Variants in TSPAN5 observed in about 807,000 individuals in gnomAD.
TSPAN5 encodes tetraspanin 5.
A neutral mutation model predicts 37.1 loss-of-function variants in TSPAN5; 10 were observed. That is an observed-to-expected ratio of 0.27 (90% CI 0.17 to 0.46). The LOEUF (loss-of-function observed/expected upper bound fraction) is 0.46, where lower values mean the gene tolerates loss of function less well. Ranked by LOEUF, TSPAN5 falls within the 20% of genes least tolerant of loss-of-function variation. The pLI, the probability that TSPAN5 is intolerant of heterozygous loss-of-function variation, is 1.00. For synonymous variants in TSPAN5, 110 were observed against 118.9 expected, an observed-to-expected ratio of 0.93 and a Z score of 0.48; for missense variants, 195 against 326.6, an observed-to-expected ratio of 0.60 and a Z score of 3.11.
intron 1 of TSPAN5, among the ~76,000 whole-genome samples, chr4:98,615,732 T>C (rs1756319062): frequency 6.6e-6 from 1 of 152,034 alleles, no homozygotes; most frequent in South Asian, 2.1e-4. Context: ...GAGGCAGAAT[T>C]ACTTTTTGTA....
intron 1 of TSPAN5, among the ~76,000 whole-genome samples, chr4:98,646,576 G>T (rs576468066): frequency 3.4e-4 from 52 of 152,206 alleles, no homozygotes; most frequent in African/African-American, 1.2e-3. Flanking sequence ...ATGTAACTGG[G>T]TAAAGAAAAA....
At chr4:98,621,096 A>G (rs973525993) in intron 1 of TSPAN5, among the ~76,000 whole-genome samples, 3 of 152,186 alleles carry the variant, frequency 2.0e-5, no homozygotes, top group African/African-American at 7.2e-5. Flanking sequence ...ACAGACACAC[A>G]CACAAGGAGA....
At chr4:98,575,318 A>G (rs1028440363) in intron 1 of TSPAN5, among the ~76,000 whole-genome samples, 1 of 152,088 alleles carries the variant, frequency 6.6e-6, no homozygotes, top group Admixed American at 6.5e-5. Context: ...AATTTTTCAC[A>G]AAAGTATTTG....
chr4:98,530,053 C>G (rs182751096), intron 1 of TSPAN5, among the ~76,000 whole-genome samples: 25 of 152,298 alleles, frequency 1.6e-4, no homozygotes, highest in African/African-American at 5.8e-4. Context: ...GGTGTTGTAT[C>G]TTGGACATGG....
chr4:98,481,077 CG>C (rs1242115696), intron 4 of TSPAN5, among the ~76,000 whole-genome samples: 6 of 151,928 alleles, frequency 3.9e-5, no homozygotes, highest in African/African-American at 1.5e-4. Flanking sequence ...CCACAGACAC[CG>C]CTGTCCAAGT....
chr4:98,645,802 G>C (rs369019483), intron 1 of TSPAN5, among the ~76,000 whole-genome samples: 1 of 152,186 alleles, frequency 6.6e-6, no homozygotes, highest in East Asian at 1.9e-4. Context: ...AGCAGTTTTA[G>C]GGGTGTTTCT....
chr4:98,482,695 G>T (rs1463450077), intron 3 of TSPAN5: 3 of 152,388 alleles, frequency 2.0e-5, no homozygotes, highest in Non-Finnish European at 4.4e-5. Flanking sequence ...TAAAATAACA[G>T]ATGTGTTCAT....
Position 98,648,183 on chromosome 4 carries a change from C to T in TSPAN5, c.81+9963G>A, listed in dbSNP as rs75939823. Among the ~76,000 whole-genome samples, 1,131 of 152,162 alleles carry T rather than the reference C, an allele frequency of 7.4e-3. 18 individuals carry two copies. The highest frequency in any genetic ancestry group is 0.06 in the East Asian group (311 of 5,174). On this transcript the variant is annotated intron_variant, in intron 1 of 7. Coordinates refer to ENST00000305798, the MANE Select transcript of TSPAN5 (RefSeq NM_005723.4). ...GTTTGGATATGGGAAAAGAAATGTC[C>T]CCTCCACAGCATTACAGCAGAGGGA...
At chr4:98,553,203 TGTCTAAAA>T (rs1190467086) in intron 1 of TSPAN5, among the ~76,000 whole-genome samples, 1 of 152,212 alleles carries the variant, frequency 6.6e-6, no homozygotes, top group Non-Finnish European at 1.5e-5. Context: ...CCTAATTTGC[TGTCTAAAA>T]GTGTTGGAGT....
chr4:98,486,598 T>G, intron 3 of TSPAN5, 140 bp downstream of exon 3: 1 of 926,982 alleles, frequency 1.1e-6, no homozygotes, highest in Non-Finnish European at 1.7e-6. Flanking sequence ...GAGAGCTCTC[T>G]CAAAAGAAAA....
chr4:98,613,961 G>A (rs1235831607), intron 1 of TSPAN5, among the ~76,000 whole-genome samples: 1 of 151,998 alleles, frequency 6.6e-6, no homozygotes, highest in African/African-American at 2.4e-5. Flanking sequence ...TATCTAGCCG[G>A]CTAAATGGTC....
At chr4:98,491,565 G>T (rs912514519) in intron 2 of TSPAN5, among the ~76,000 whole-genome samples, 2 of 152,156 alleles carry the variant, frequency 1.3e-5, no homozygotes, top group African/African-American at 4.8e-5. Flanking sequence ...GTACCTGCCT[G>T]TAATCCCAGC....
At chr4:98,506,587 G>C (rs1753482343) in intron 2 of TSPAN5, among the ~76,000 whole-genome samples, 1 of 152,146 alleles carries the variant, frequency 6.6e-6, no homozygotes, top group African/African-American at 2.4e-5. Flanking sequence ...CCTCTGAGGG[G>C]CTTTTGTTGA....
chr4:98,498,911 A>G (rs976651329), intron 2 of TSPAN5, among the ~76,000 whole-genome samples: 2 of 152,142 alleles, frequency 1.3e-5, no homozygotes, highest in African/African-American at 4.8e-5. Flanking sequence ...TCGCTCCCAG[A>G]TGAGTATGTC....
chr4:98,557,551 T>G (rs991227357), intron 1 of TSPAN5, among the ~76,000 whole-genome samples: 2 of 152,238 alleles, frequency 1.3e-5, no homozygotes, highest in African/African-American at 4.8e-5. Flanking sequence ...AATCACACAC[T>G]TAGAAATACA....
chr4:98,540,829 G>A (rs973102593), intron 1 of TSPAN5, among the ~76,000 whole-genome samples: 2 of 152,176 alleles, frequency 1.3e-5, no homozygotes, highest in Non-Finnish European at 2.9e-5. Context: ...CTCTCAAATA[G>A]GCTGATCAAT....
chr4:98,515,534 T>TCC (rs1491044953), intron 1 of TSPAN5, among the ~76,000 whole-genome samples: 4 of 148,966 alleles, frequency 2.7e-5, no homozygotes, highest in Non-Finnish European at 6.0e-5. Flanking sequence ...TCTCTCTCTC[T>TCC]CCCTCTCCTG....
At chr4:98,485,218 G>T (rs1175029772) in intron 3 of TSPAN5, 2 of 152,568 alleles carry the variant, frequency 1.3e-5, no homozygotes, top group African/African-American at 4.8e-5. Flanking sequence ...CTACAGGAAA[G>T]CTGGCAAGGT....
intron 1 of TSPAN5, among the ~76,000 whole-genome samples, chr4:98,646,127 T>G (rs1177821936): frequency 6.6e-6 from 1 of 151,928 alleles, no homozygotes; most frequent in Non-Finnish European, 1.5e-5. Flanking sequence ...GCACAAGCTC[T>G]CATCGCATCC....
Sources: allele counts gnomAD v4.1 joint callset (sites outside exome capture counted in the v4.1 genomes callset), GRCh38; gene constraint gnomAD v4.1.1; transcripts MANE v1.5; gene names NCBI Gene and HGNC (gene_info 2026-07-23, HGNC 2026-07-21).